The following PDZRN3 variants were observed in gnomAD, a reference collection of about 807,000 sequenced individuals.
PDZRN3 encodes PDZ domain containing ring finger 3.
In PDZRN3, 38 loss-of-function variants were observed where a neutral mutation model predicts 85.7. The observed-to-expected ratio is 0.44, with a 90% CI of 0.34 to 0.58. PDZRN3 has a LOEUF of 0.58. PDZRN3 is among the 20% of genes least tolerant of loss of function. PDZRN3 has a pLI of 0.01. For synonymous variants in PDZRN3, 759 were observed against 638.0 expected, an observed-to-expected ratio of 1.19 and a Z score of -2.86; for missense variants, 1,629 against 1,506.4, an observed-to-expected ratio of 1.08 and a Z score of -1.35.
intron 7 of PDZRN3, among the ~76,000 whole-genome samples, 169 bp downstream of exon 7, chr3:73,389,647 A>G (rs1034340383): frequency 3.3e-5 from 5 of 152,168 alleles, no homozygotes; most frequent in Admixed American, 6.5e-5. Context: ...CTTATGACTC[A>G]GAGATAGCCT....
intron 3 of PDZRN3, among the ~76,000 whole-genome samples, chr3:73,465,281 T>C (rs892871939): frequency 1.3e-5 from 2 of 152,234 alleles, no homozygotes; most frequent in Non-Finnish European, 1.5e-5. Context: ...CTATGTGTTT[T>C]AGTTTTTGCA....
chr3:73,602,403 C>T lies in PDZRN3; in HGVS notation c.869G>A (p.Gly290Glu), dbSNP rs756551712. 6.2e-7 allele frequency: 1 copy of T among 1,611,670 alleles called. No homozygotes were observed. Among genetic ancestry groups the T allele is most frequent in the Non-Finnish European group, 8.5e-7 (1 of 1,177,864 alleles). ...GIFVSKIVDS[G>E]PAAKEGGLQI... ...CAGGCCTCCTTCCTTGGCTGCAGGC[C>T]CACTGTCAACTATCTTGGATACAAA... is the stretch of plus-strand genomic sequence containing the variant. Residue 290 changes from glycine (G) to glutamate (E), a missense_variant, in exon 3 of 10, where the codon GGG (glycine) becomes GAG (glutamate). Physicochemically the swap from Gly to Glu is moderately conservative, Grantham distance 98. Coordinates refer to ENST00000263666, the MANE Select transcript of PDZRN3 (RefSeq NM_015009.3).
intron 3 of PDZRN3, among the ~76,000 whole-genome samples, chr3:73,444,907 A>G (rs1462157262): frequency 6.6e-6 from 1 of 152,232 alleles, no homozygotes; most frequent in Non-Finnish European, 1.5e-5. Flanking sequence ...CTCTCTGACT[A>G]GAGATGAAGC....
chr3:73,388,110 A>AATAGCATGATTAG (rs1357563052), intron 7 of PDZRN3, 41 bp from the exon 8 acceptor site: 1 of 965,568 alleles, frequency 1.0e-6, no homozygotes, highest in Non-Finnish European at 1.6e-6. Flanking sequence ...TGGGGAGACA[A>AATAGCATGATTAG]ATAGCATGAT....
intron 2 of PDZRN3, among the ~76,000 whole-genome samples, chr3:73,605,604 C>T (rs1012757128): frequency 1.3e-5 from 2 of 152,294 alleles, no homozygotes; most frequent in Non-Finnish European, 1.5e-5. Context: ...ACAGGAATTC[C>T]TTGGGAAACA....
chr3:73,389,754 A>G lies in PDZRN3; in HGVS notation c.1416+62T>C, dbSNP rs1701480600. On this transcript the variant is annotated intron_variant, in intron 7 of 9. Coordinates refer to ENST00000263666, the MANE Select transcript of PDZRN3 (RefSeq NM_015009.3). ...CATTTTCAACCCTAGACCTATCATT[A>G]GAACCAGTTTGTTCTTTAGTGATAG... 3 of 1,194,744 alleles carry G rather than the reference A, an allele frequency of 2.5e-6. No homozygotes were observed. In the Admixed American group the frequency reaches 5.1e-5, roughly 20 times the overall value. 74.0% of individuals were successfully genotyped at this position (1,194,744 alleles called of 1,614,324 possible). A position where few individuals can be genotyped will look rare whatever the true frequency, so the allele number is the denominator to read the frequency against.
intron 3 of PDZRN3, among the ~76,000 whole-genome samples, chr3:73,524,079 C>T (rs1267847488): frequency 6.6e-6 from 1 of 152,178 alleles, no homozygotes; most frequent in Non-Finnish European, 1.5e-5. Flanking sequence ...CCTCTCCTTT[C>T]ACAAGGCACT....
intron 3 of PDZRN3, among the ~76,000 whole-genome samples, chr3:73,567,658 T>C (rs549145756): frequency 8.8e-4 from 134 of 152,318 alleles, no homozygotes; most frequent in Non-Finnish European, 1.6e-3. Context: ...CCTGGTTCAT[T>C]TGTAAAAATG....
chr3:73,483,324 T>C (rs1270326552), intron 3 of PDZRN3, among the ~76,000 whole-genome samples: 3 of 152,210 alleles, frequency 2.0e-5, no homozygotes, highest in South Asian at 2.1e-4. Context: ...GAAAGAGCAG[T>C]TGACTTAAAC....
At position 73,404,585 on chromosome 3, in the gene PDZRN3, T is replaced by C. The variant is rs1047918086; in HGVS notation, c.919-190A>G. Reference sequence around the variant, plus strand: ...GGTGGAAAGAGAGTGAGTTTGGAGGTATTCAGATCTGGCATGCAATAATAA... The same window carrying C: ...GGTGGAAAGAGAGTGAGTTTGGAGGCATTCAGATCTGGCATGCAATAATAA... On this transcript the variant is annotated intron_variant, in intron 3 of 9. Transcript: ENST00000263666. The C allele has an allele frequency of 5.2e-6, 3 of 576,144 alleles. No individual in the cohort carries two copies. In the East Asian group the frequency reaches 8.6e-5, roughly 17 times the overall value. 35.7% of individuals were successfully genotyped at this position (576,144 alleles called of 1,614,324 possible).
At chr3:73,439,966 G>C (rs531573692) in intron 3 of PDZRN3, among the ~76,000 whole-genome samples, 2 of 152,100 alleles carry the variant, frequency 1.3e-5, no homozygotes, top group South Asian at 4.1e-4. Context: ...TTGAACTCCT[G>C]ACCTCAAATA....
chr3:73,475,055 C>A (rs1344802180), intron 3 of PDZRN3, among the ~76,000 whole-genome samples: 1 of 151,836 alleles, frequency 6.6e-6, no homozygotes, highest in Non-Finnish European at 1.5e-5. Flanking sequence ...CAAGTCCAGG[C>A]ATTGAGTATC....
In PDZRN3 at chr3:73,486,007, C is replaced by T. The variant is rs80087967; in HGVS notation, c.919-81612G>A. Among the ~76,000 whole-genome samples, 197 of 152,326 alleles carry T rather than the reference C, an allele frequency of 1.3e-3. 1 individual carries two copies. Among genetic ancestry groups the T allele is most frequent in the African/African-American group, 4.6e-3 (193 of 41,570 alleles). On this transcript the variant is annotated intron_variant, in intron 3 of 9. Transcript: ENST00000263666. ...GAATTTTAAAGCTATTAGCAATGCC[C>T]TTGCCAGCACACAGCATGGAATGCG...
chr3:73,614,185 G>A (rs1349251628), intron 1 of PDZRN3, among the ~76,000 whole-genome samples: 3 of 152,144 alleles, frequency 2.0e-5, no homozygotes, highest in Non-Finnish European at 4.4e-5. Flanking sequence ...ATTGGTTGGG[G>A]GAAGAAAAGT....
intron 3 of PDZRN3, chr3:73,408,228 C>T (rs1701893580): frequency 1.4e-6 from 1 of 702,948 alleles, no homozygotes; most frequent in Non-Finnish European, 2.6e-6. Context: ...GGGCTTTGGG[C>T]AATTTAACTG....
intron 3 of PDZRN3, among the ~76,000 whole-genome samples, chr3:73,520,424 A>G (rs1704337613): frequency 6.6e-6 from 1 of 152,130 alleles, no homozygotes; most frequent in South Asian, 2.1e-4. Context: ...GGAACGCTTG[A>G]GCCCGGGAAG....
intron 3 of PDZRN3, among the ~76,000 whole-genome samples, chr3:73,421,171 T>G (rs957354383): frequency 3.3e-5 from 5 of 152,094 alleles, no homozygotes; most frequent in Admixed American, 6.5e-5. Context: ...TATGCCCACA[T>G]AAAGAGCCTA....
chr3:73,505,223 G>T (rs1433694321), intron 3 of PDZRN3, among the ~76,000 whole-genome samples: 1 of 152,166 alleles, frequency 6.6e-6, no homozygotes, highest in African/African-American at 2.4e-5. Flanking sequence ...GGTTACCCAC[G>T]AATAATCATT....
chr3:73,474,232 A>C (rs1004877543), intron 3 of PDZRN3, among the ~76,000 whole-genome samples: 2 of 152,202 alleles, frequency 1.3e-5, no homozygotes, highest in African/African-American at 4.8e-5. Context: ...TCAATCACCA[A>C]AGAAAAAGAT....
Sources: allele counts gnomAD v4.1 joint callset (sites outside exome capture counted in the v4.1 genomes callset), GRCh38; gene constraint gnomAD v4.1.1; transcripts MANE v1.5; gene names NCBI Gene and HGNC (gene_info 2026-07-23, HGNC 2026-07-21).